The following TNFRSF10D variants were observed in gnomAD, a reference collection of about 807,000 sequenced individuals.
TNFRSF10D encodes the protein TNF receptor superfamily member 10d.
In TNFRSF10D, 28 loss-of-function variants were observed where a neutral mutation model predicts 42.1. The observed-to-expected ratio is 0.66, with a 90% confidence interval of 0.49 to 0.91. The LOEUF (loss-of-function observed/expected upper bound fraction) is 0.91. Among genes scored for constraint, TNFRSF10D ranks in the 40% least tolerant of loss-of-function variants. TNFRSF10D has a pLI of 0.00. For synonymous variants in TNFRSF10D, 186 were observed against 189.4 expected, an observed-to-expected ratio of 0.98 and a Z score of 0.15; for missense variants, 503 against 486.1, an observed-to-expected ratio of 1.03 and a Z score of -0.33.
chr8:23,147,212 C>G (rs867071175), intron 3 of TNFRSF10D, 140 bp from the exon 4 acceptor site: 1 of 667,206 alleles, frequency 1.5e-6, no homozygotes. Flanking sequence ...CCAGCACACT[C>G]GGGACTCATA....
intron 1 of TNFRSF10D, among the ~76,000 whole-genome samples, chr8:23,155,699 CA>C (rs909777397): frequency 2.3e-4 from 30 of 132,050 alleles, no homozygotes; most frequent in Admixed American, 3.8e-4. Context: ...GACTCTGTCT[CA>C]AAAAAAAAAA....
Position 23,145,887 on chromosome 8 carries a change from T to C in TNFRSF10D, c.517A>G (p.Thr173Ala), listed in dbSNP as rs766935826. 2.5e-6 allele frequency: 4 copies of C among 1,613,962 alleles called. No homozygotes were observed. The African/African-American group carries it at 4.0e-5, about 16-fold the overall frequency. ...PRGMVKVSNC[T>A]PRSDIKCKNE... ...TTGCACTTGATGTCACTCCGGGGCGTACAATTACTGACCTTGACCATCCCT... is the reference window on the plus strand; with the variant it reads ...TTGCACTTGATGTCACTCCGGGGCGCACAATTACTGACCTTGACCATCCCT... The change falls in exon 5 of 9, where the codon ACG (threonine) becomes GCG (alanine). Residue 173 changes from threonine to alanine, a missense_variant. By Grantham distance (58) the Thr-to-Ala change is moderately conservative. Transcript: ENST00000312584.
chr8:23,155,397 C>G (rs1563361780), intron 1 of TNFRSF10D, among the ~76,000 whole-genome samples: 1 of 152,030 alleles, frequency 6.6e-6, no homozygotes, highest in South Asian at 2.1e-4. Flanking sequence ...CAGGAACACA[C>G]CACTGTAGTT....
intron 7 of TNFRSF10D, among the ~76,000 whole-genome samples, chr8:23,142,123 T>C (rs1800033026): frequency 6.6e-6 from 1 of 152,032 alleles, no homozygotes; most frequent in Admixed American, 6.6e-5. Context: ...TACAAAAAAT[T>C]AGCCGGGTAT....
chr8:23,145,821 C>T lies in TNFRSF10D; in HGVS notation c.583G>A (p.Ala195Thr). 6.2e-7 allele frequency: 1 copy of T among 1,614,246 alleles called. No individual in the cohort carries two copies. Among genetic ancestry groups the T allele is most frequent in the Non-Finnish European group, 8.5e-7 (1 of 1,180,034 alleles). Residue 195 changes from alanine to threonine, a missense_variant, in exon 5 of 9, where the codon GCG becomes ACG. Ala to Thr is a moderately conservative substitution (Grantham distance 58, BLOSUM62 0). Transcript: ENST00000312584. ...AGGATGGTGGTCACTGTCTCCTCCG[C>T]TGCTGGGGTTTTCCCAGTGGAACTG... ...AASSTGKTPA[A>T]EETVTTILGM...
rs550923458 is a variant in TNFRSF10D at position 23,144,276 on chromosome 8, C to A, written c.954+174G>T. On this transcript the variant is annotated intron_variant, in intron 7 of 8. Coordinates refer to ENST00000312584, the MANE Select transcript of TNFRSF10D (RefSeq NM_003840.5). ...CAGGGAGTAAGAAGCAGATGTCCTG[C>A]AGACTGGCACGGTCACCACCTCAGT... Among the ~76,000 whole-genome samples, 13 of 152,306 alleles carry A rather than the reference C, an allele frequency of 8.5e-5. No homozygotes were observed. The East Asian group carries it at 2.3e-3, about 27-fold the overall frequency.
In TNFRSF10D at chr8:23,145,077, C is replaced by T. The variant is rs765459445; in HGVS notation, c.749G>A (p.Gly250Asp). ...ACTCACTCTGTGCACACGTTCGGGA[C>T]CTCCTCCACCACCTGGAAAAGAAGC... ...LKGICSGGGG[G>D]PERVHRVLFR... Residue 250 changes from glycine (G) to aspartate (D), a missense_variant, in exon 6 of 9, where the codon GGT (glycine) becomes GAT (aspartate). By Grantham distance (94) the Gly-to-Asp change is moderately conservative. Coordinates refer to ENST00000312584, the MANE Select transcript of TNFRSF10D (RefSeq NM_003840.5). The T allele has an allele frequency of 6.2e-7, 1 of 1,614,110 alleles. No homozygotes were observed. The highest frequency in any genetic ancestry group is 8.5e-7 in the Non-Finnish European group (1 of 1,179,992).
At chr8:23,148,649 A>G (rs898279733) in intron 2 of TNFRSF10D, 98 bp from the exon 3 acceptor site, 2 of 829,600 alleles carry the variant, frequency 2.4e-6, no homozygotes, top group Non-Finnish European at 3.9e-6. Context: ...AGTGGAATCC[A>G]GACAGAGAAA....
intron 8 of TNFRSF10D, 63 bp downstream of exon 8, chr8:23,138,125 G>A (rs1005868334): frequency 6.2e-7 from 1 of 1,612,618 alleles, no homozygotes; most frequent in Non-Finnish European, 8.5e-7. Flanking sequence ...TATAGGGACA[G>A]CAGTTAGGAC....
chr8:23,138,810 T>C (rs1360256988), intron 7 of TNFRSF10D, among the ~76,000 whole-genome samples: 2 of 152,220 alleles, frequency 1.3e-5, no homozygotes, highest in Admixed American at 6.5e-5. Context: ...AATTCTGATT[T>C]TTTTCAAACC....
intron 1 of TNFRSF10D, among the ~76,000 whole-genome samples, chr8:23,157,992 T>A (rs955946561): frequency 6.6e-6 from 1 of 152,136 alleles, no homozygotes; most frequent in African/African-American, 2.4e-5. Context: ...AGCTTCCCAA[T>A]AAGATTTCAG....
intron 6 of TNFRSF10D, 53 bp downstream of exon 6, chr8:23,145,005 G>A: frequency 1.2e-6 from 2 of 1,613,614 alleles, no homozygotes; most frequent in Non-Finnish European, 1.7e-6. Flanking sequence ...GCAGTGGATG[G>A]GAAGCAGTTC....
At chr8:23,149,757 T>C (rs1800191127) in intron 2 of TNFRSF10D, among the ~76,000 whole-genome samples, 1 of 152,032 alleles carries the variant, frequency 6.6e-6, no homozygotes, top group Non-Finnish European at 1.5e-5. Flanking sequence ...TCTGCACAAC[T>C]ATCCCTGTCC....
In TNFRSF10D at chr8:23,144,454, A is replaced by G; in HGVS notation, c.950T>C (p.Leu317Pro). Residue 317 changes from leucine to proline, a missense_variant, in exon 7 of 9, where the codon CTG becomes CCG. Transcript: ENST00000312584. ...CACAGTCCCTCCTCAACTCACCAGC[A>G]GACGCTGTGGCTCCTCTGGCAACTC... ...TVELPEEPQR[L>P]LEQAEAEGCQ... The G allele has an allele frequency of 6.2e-7, 1 of 1,613,816 alleles. No individual in the cohort carries two copies. The highest frequency in any genetic ancestry group is 8.5e-7 in the Non-Finnish European group (1 of 1,179,776).
In TNFRSF10D at chr8:23,147,009, C is replaced by T. The variant is rs948771704; in HGVS notation, c.434G>A (p.Ser145Asn). 1 of 1,614,184 alleles carries T rather than the reference C, an allele frequency of 6.2e-7. No individual in the cohort carries two copies. Among genetic ancestry groups the T allele is most frequent in the African/African-American group, 1.3e-5 (1 of 75,050 alleles). ...RDTVCQCEKG[S>N]FQDKNSPEMC... ...CTCAGGGGAGTTTTTATCCTGGAAGCTTCCTTTTTCACACTGACACACGGT... is the reference window on the plus strand; with the variant it reads ...CTCAGGGGAGTTTTTATCCTGGAAGTTTCCTTTTTCACACTGACACACGGT... The change falls in exon 4 of 9, where the codon AGC becomes AAC. Residue 145 changes from serine to asparagine, a missense_variant. Ser to Asn is a conservative substitution (Grantham distance 46, BLOSUM62 1). Transcript: ENST00000312584.
rs149758098 is a variant in TNFRSF10D at position 23,153,549 on chromosome 8, C to T, written c.256+1325G>A. 8.8e-4 allele frequency among the ~76,000 whole-genome samples: 134 copies of T among 152,126 alleles called. 1 individual carries two copies. Among genetic ancestry groups the T allele is most frequent in the Middle Eastern group, 6.8e-3 (2 of 294 alleles). ...AATCAAATAATCCAATTAAAACGGACGCATGGGCAAGGGACCTGAAGAGAC... is the reference window on the plus strand; with the variant it reads ...AATCAAATAATCCAATTAAAACGGATGCATGGGCAAGGGACCTGAAGAGAC... On this transcript the variant is annotated intron_variant, in intron 2 of 8. Transcript: ENST00000312584.
intron 4 of TNFRSF10D, among the ~76,000 whole-genome samples, chr8:23,146,335 A>G (rs1800119868): frequency 6.6e-6 from 1 of 152,192 alleles, no homozygotes; most frequent in Admixed American, 6.5e-5. Flanking sequence ...GTTCCTCCCA[A>G]CCACAGCAAA....
At chr8:23,154,739 T>C (rs1169746984) in intron 2 of TNFRSF10D, 135 bp downstream of exon 2, 5 of 981,830 alleles carry the variant, frequency 5.1e-6, no homozygotes, top group African/African-American at 4.9e-5. Flanking sequence ...AAATACACGA[T>C]AAGTATGTGA....
intron 7 of TNFRSF10D, among the ~76,000 whole-genome samples, chr8:23,143,365 A>T (rs1468357587): frequency 5.2e-3 from 756 of 144,870 alleles, no homozygotes; most frequent in African/African-American, 0.016. Flanking sequence ...GCAGTGGCTT[A>T]TGCCTGTAAT....
Sources: gnomAD v4.1 joint callset for allele counts (sites outside exome capture counted in the v4.1 genomes callset) on GRCh38, gnomAD v4.1.1 for gene constraint, MANE v1.5 for transcripts, NCBI Gene and HGNC (gene_info 2026-07-23, HGNC 2026-07-21) for gene names.